Variants in PNPT1 observed in about 807,000 individuals in gnomAD.
The protein encoded by PNPT1 is polyribonucleotide nucleotidyltransferase 1, mitochondrial.
In PNPT1, 53 loss-of-function variants were observed where a neutral mutation model predicts 119.5. The ratio of observed to expected loss-of-function variants is 0.44; its 90% CI spans 0.36 to 0.56. The LOEUF is 0.56. Among genes scored for constraint, PNPT1 ranks in the 20% least tolerant of loss-of-function variants. The pLI, the probability that PNPT1 is intolerant of heterozygous loss-of-function variation, is 0.00. For missense variants in PNPT1, 948 were observed against 938.5 expected, an observed-to-expected ratio of 1.01 and a Z score of -0.13; for synonymous variants, 357 against 322.1, an observed-to-expected ratio of 1.11 and a Z score of -1.16.
chr2:55,651,594 A>G (rs1696205361), intron 18 of PNPT1, among the ~76,000 whole-genome samples: 1 of 151,822 alleles, frequency 6.6e-6, no homozygotes, highest in African/African-American at 2.4e-5. Flanking sequence ...CTTAAGAGTC[A>G]TCACCACTCC....
At chr2:55,650,996 C>T (rs1696169084) in intron 18 of PNPT1, among the ~76,000 whole-genome samples, 3 of 143,556 alleles carry the variant, frequency 2.1e-5, no homozygotes, top group Admixed American at 6.8e-5. Context: ...AGGTGAGGGG[C>T]GCCTCTGCCC....
At chr2:55,661,893 TA>T in intron 14 of PNPT1, 62 bp downstream of exon 14, 1 of 1,368,868 alleles carries the variant, frequency 7.3e-7, no homozygotes, top group Non-Finnish European at 9.7e-7. Context: ...ATATACCACA[TA>T]AGCTTTAATT....
intron 16 of PNPT1, 28 bp downstream of exon 16, chr2:55,656,277 C>A: frequency 6.2e-7 from 1 of 1,610,142 alleles, no homozygotes; most frequent in South Asian, 1.1e-5. Context: ...GTAAGAATAC[C>A]GTATTAAGTT....
chr2:55,645,436 GAAGAGA>G lies in PNPT1; in HGVS notation c.1739-10_1739-5del. On this transcript the variant is annotated splice_region_variant and splice_polypyrimidine_tract_variant and intron_variant, in intron 21 of 27. Coordinates refer to ENST00000447944, the MANE Select transcript of PNPT1 (RefSeq NM_033109.5). ...TGTAATATCTCCTTTTTTGCCACTA[GAAGAGA>G]AAAACACAAAAATTATAACTACATA... The G allele has an allele frequency of 6.3e-7, 1 of 1,595,130 alleles. No homozygotes were observed. Among genetic ancestry groups the G allele is most frequent in the Non-Finnish European group, 8.6e-7 (1 of 1,166,066 alleles).
intron 18 of PNPT1, among the ~76,000 whole-genome samples, chr2:55,652,893 G>A (rs909660364): frequency 2.0e-5 from 3 of 152,128 alleles, no homozygotes; most frequent in African/African-American, 4.8e-5. Context: ...TGTTACCCAG[G>A]CTGGAGTGCA....
chr2:55,667,743 T>C (rs1696780316), intron 12 of PNPT1, 119 bp downstream of exon 12: 2 of 1,303,174 alleles, frequency 1.5e-6, no homozygotes, highest in East Asian at 2.6e-5. Context: ...ATAGCAAATA[T>C]TATAATTCTT....
chr2:55,653,009 G>A (rs1434527811), intron 18 of PNPT1, among the ~76,000 whole-genome samples: 7 of 152,082 alleles, frequency 4.6e-5, no homozygotes, highest in African/African-American at 1.4e-4. Flanking sequence ...CACCACACCC[G>A]GCTAATTTTT....
chr2:55,643,225 A>G lies in PNPT1; in HGVS notation c.2014-12T>C. On this transcript the variant is annotated splice_polypyrimidine_tract_variant and intron_variant, in intron 24 of 27. Coordinates refer to ENST00000447944, the MANE Select transcript of PNPT1 (RefSeq NM_033109.5). ...AATTGCTGCTCCTGCTGTAAGTGCA[A>G]AATAAGCCATAAGATTCATAAAGAA... is the stretch of plus-strand genomic sequence containing the variant. The G allele has an allele frequency of 6.2e-7, 1 of 1,614,220 alleles. No individual in the cohort carries two copies.
At position 55,639,010 on chromosome 2, in the gene PNPT1, A is replaced by T. The variant is rs1695760665; in HGVS notation, c.2149-1411T>A. The stretch of plus-strand genomic sequence containing the variant: ...ATGCTGGTCTCAAACTCCTGACCTA[A>T]AGTGATCCGTCCACCTTGGCCTCCC... On this transcript the variant is annotated intron_variant, in intron 26 of 27. Coordinates refer to ENST00000447944, the MANE Select transcript of PNPT1 (RefSeq NM_033109.5). 2.0e-5 allele frequency among the ~76,000 whole-genome samples: 3 copies of T among 152,080 alleles called. No individual in the cohort carries two copies. In the South Asian group the frequency reaches 6.2e-4, roughly 32 times the overall value.
In PNPT1 at chr2:55,677,360, G is replaced by A. The variant is rs189092316; in HGVS notation, c.679+2322C>T. Reference sequence around the variant, plus strand: ...TATAATCCCAGCACTTTTGGTGGCCGAAGCGGGCAGATCACTTGAGGCCAG... The same window carrying A: ...TATAATCCCAGCACTTTTGGTGGCCAAAGCGGGCAGATCACTTGAGGCCAG... On this transcript the variant is annotated intron_variant, in intron 8 of 27. Coordinates refer to ENST00000447944, the MANE Select transcript of PNPT1 (RefSeq NM_033109.5). 2.2e-4 allele frequency among the ~76,000 whole-genome samples: 33 copies of A among 152,248 alleles called. No individual in the cohort carries two copies. The East Asian group carries it at 5.0e-3, about 23-fold the overall frequency.
intron 8 of PNPT1, among the ~76,000 whole-genome samples, chr2:55,679,138 A>C (rs1559108789): frequency 6.6e-6 from 1 of 152,210 alleles, no homozygotes. Flanking sequence ...CGTTCATGCA[A>C]GTATGACATT....
chr2:55,672,132 T>C (rs1353052739), intron 9 of PNPT1, 86 bp from the exon 10 acceptor site: 3 of 997,772 alleles, frequency 3.0e-6, no homozygotes, highest in Admixed American at 2.5e-5. Flanking sequence ...AAATATTTAA[T>C]AATAATCAGC....
At chr2:55,647,500 T>A (rs780935432) in intron 18 of PNPT1, 47 bp from the exon 19 acceptor site, 1 of 1,369,306 alleles carries the variant, frequency 7.3e-7, no homozygotes, top group Non-Finnish European at 1.0e-6. Flanking sequence ...TACATGAGCC[T>A]AAAACAAATA....
intron 14 of PNPT1, among the ~76,000 whole-genome samples, chr2:55,661,440 A>C (rs1696573766): frequency 6.6e-6 from 1 of 152,090 alleles, no homozygotes; most frequent in South Asian, 2.1e-4. Flanking sequence ...CCTGCAATAA[A>C]GATTCTTATC....
At chr2:55,654,807 C>T in intron 18 of PNPT1, 93 bp downstream of exon 18, 4 of 1,201,258 alleles carry the variant, frequency 3.3e-6, no homozygotes, top group Non-Finnish European at 4.8e-6. Flanking sequence ...AACTCCCAGC[C>T]TCAAGTGAGC....
In PNPT1 at chr2:55,670,050, C is replaced by A. The variant is rs752298257; in HGVS notation, c.976+1269G>T. 2.0e-5 allele frequency among the ~76,000 whole-genome samples: 3 copies of A among 152,088 alleles called. No homozygotes were observed. The South Asian group carries it at 6.2e-4, about 32-fold the overall frequency. Reference sequence around the variant, plus strand: ...CTGGGATTACAGGCATGAGCCACCACGCCTGGCCAGTTTTTTATCTTAAAA... The same window carrying A: ...CTGGGATTACAGGCATGAGCCACCAAGCCTGGCCAGTTTTTTATCTTAAAA... On this transcript the variant is annotated intron_variant, in intron 11 of 27. Transcript: ENST00000447944.
intron 23 of PNPT1, 27 bp downstream of exon 23, chr2:55,644,610 A>AAACCCC: frequency 6.5e-7 from 1 of 1,542,596 alleles, no homozygotes; most frequent in Non-Finnish European, 8.9e-7. Context: ...TTTAATTAAA[A>AAACCCC]AACCCCAAAC....
At chr2:55,666,618 T>C (rs182281954) in intron 13 of PNPT1, among the ~76,000 whole-genome samples, 2 of 152,254 alleles carry the variant, frequency 1.3e-5, no homozygotes, top group East Asian at 1.9e-4. Flanking sequence ...GGTAGGAGGA[T>C]TGCTTGAGGC....
Position 55,667,885 on chromosome 2 carries a change from A to G in PNPT1, c.1050T>C (p.Ser350=). ...ACCTTTTGTATTCATTCAAAACAAT[A>G]CTTCTAAAAACTTCCTTTGCAACAA... ...FNVVAKEVFR[S]IVLNEYKRCD... The change falls in exon 12 of 28, where the codon AGT becomes AGC. Residue 350 remains serine (S), a synonymous_variant. Coordinates refer to ENST00000447944, the MANE Select transcript of PNPT1 (RefSeq NM_033109.5). The G allele has an allele frequency of 6.3e-7, 1 of 1,587,912 alleles. No homozygotes were observed. The highest frequency in any genetic ancestry group is 8.5e-7 in the Non-Finnish European group (1 of 1,173,358).
Sources: gnomAD v4.1 joint callset for allele counts (sites outside exome capture counted in the v4.1 genomes callset) on GRCh38, gnomAD v4.1.1 for gene constraint, MANE v1.5 for transcripts, NCBI Gene and HGNC (gene_info 2026-07-23, HGNC 2026-07-21) for gene names.